Variants in NBAS observed in about 807,000 individuals in gnomAD.
NBAS encodes the protein NAG/BC035112 fusion.
NBAS carries 219 observed loss-of-function variants against 302.5 expected under a neutral mutation model. That is an observed-to-expected ratio of 0.72 (90% CI 0.65 to 0.81). The LOEUF is 0.81. Among genes scored for constraint, NBAS ranks in the 30% least tolerant of loss-of-function variants. The pLI is 0.00. For missense variants in NBAS, 2,932 were observed against 2,841.6 expected (o/e 1.03, Z -0.72); for synonymous variants, 1,118 against 1,021.6 (o/e 1.09, Z -1.80).
chr2:14,962,864 G>A, the NBAS span, among the ~76,000 whole-genome samples: 1 of 151,952 alleles, frequency 6.6e-6, no homozygotes, highest in Non-Finnish European at 1.5e-5. Context: ...GTTGCAAAAG[G>A]GGATTATTCC....
At chr2:15,483,930 A>G (rs893878891) in intron 12 of NBAS, among the ~76,000 whole-genome samples, 40 of 152,176 alleles carry the variant, frequency 2.6e-4, no homozygotes, top group African/African-American at 9.2e-4. Flanking sequence ...ATTTGAAACT[A>G]ATCGGTTTGT....
At chr2:14,930,440 C>A in the NBAS span, among the ~76,000 whole-genome samples, 306 of 152,306 alleles carry the variant, frequency 2.0e-3, 2 homozygotes, top group African/African-American at 7.0e-3. Flanking sequence ...CAAAATCATA[C>A]TGTGCGTGTA....
intron 40 of NBAS, among the ~76,000 whole-genome samples, chr2:15,295,897 T>C (rs746885347): frequency 2.0e-5 from 3 of 150,276 alleles, no homozygotes; most frequent in Non-Finnish European, 4.4e-5. Flanking sequence ...AGAATGTCAA[T>C]AGCACATCCT....
chr2:14,985,629 G>A, the NBAS span, among the ~76,000 whole-genome samples: 1 of 152,206 alleles, frequency 6.6e-6, no homozygotes, highest in Non-Finnish European at 1.5e-5. Context: ...GAAATCTATT[G>A]AGGACAGGGG....
chr2:15,142,573 G>C, the NBAS span, among the ~76,000 whole-genome samples: 2 of 152,224 alleles, frequency 1.3e-5, no homozygotes, highest in Non-Finnish European at 2.9e-5. Flanking sequence ...CCAGCTCCCT[G>C]ACTGGCACCT....
chr2:15,131,785 A>C, the NBAS span, among the ~76,000 whole-genome samples: 1 of 152,226 alleles, frequency 6.6e-6, no homozygotes, highest in Non-Finnish European at 1.5e-5. Flanking sequence ...TGGCCCTGAC[A>C]CATGCTCAGC....
At chr2:15,321,619 C>T (rs1236303051) in intron 38 of NBAS, among the ~76,000 whole-genome samples, 2 of 152,102 alleles carry the variant, frequency 1.3e-5, no homozygotes, top group African/African-American at 2.4e-5. Context: ...AACATCTATG[C>T]AGCCAACAGA....
chr2:15,166,058 G>C (rs557599824), downstream of NBAS, among the ~76,000 whole-genome samples: 1 of 152,122 alleles, frequency 6.6e-6, no homozygotes, highest in Non-Finnish European at 1.5e-5. Context: ...TGAGTCTCAG[G>C]GGGGGCGAAG....
At chr2:15,502,316 G>A (rs560385051) in intron 11 of NBAS, among the ~76,000 whole-genome samples, 7 of 152,326 alleles carry the variant, frequency 4.6e-5, no homozygotes, top group African/African-American at 1.7e-4. Context: ...TATTAGATAA[G>A]CCCTATGAGC....
At chr2:15,359,584 A>G (rs1205798218) in intron 32 of NBAS, among the ~76,000 whole-genome samples, 2 of 152,138 alleles carry the variant, frequency 1.3e-5, no homozygotes, top group Non-Finnish European at 2.9e-5. Flanking sequence ...TATTTTACAT[A>G]AAATATTTTA....
rs113478379 is a variant in NBAS at position 15,405,766 on chromosome 2, G to T, written c.2938-3465C>A. ...AGAATACAAAACTAACATATAAATA[G>T]CTTTTATATACACAAACATTAAATA... On this transcript the variant is annotated intron_variant, in intron 25 of 51. Coordinates refer to ENST00000281513, the MANE Select transcript of NBAS (RefSeq NM_015909.4). 5.4e-3 allele frequency among the ~76,000 whole-genome samples: 824 copies of T among 152,114 alleles called. 9 individuals carry two copies. Among genetic ancestry groups the T allele is most frequent in the African/African-American group, 0.019 (771 of 41,532 alleles).
At chr2:14,905,908 C>T in the NBAS span, among the ~76,000 whole-genome samples, 7 of 152,170 alleles carry the variant, frequency 4.6e-5, no homozygotes, top group Admixed American at 2.0e-4. Context: ...ACTCTCAGCG[C>T]ACTTTCTTTG....
chr2:15,238,976 AT>A (rs1053741173), intron 44 of NBAS, among the ~76,000 whole-genome samples: 1 of 152,184 alleles, frequency 6.6e-6, no homozygotes, highest in African/African-American at 2.4e-5. Flanking sequence ...ATGAGGAGTC[AT>A]TTCTACAGCC....
chr2:14,810,927 G>T, the NBAS span, among the ~76,000 whole-genome samples: 1 of 152,046 alleles, frequency 6.6e-6, no homozygotes, highest in Admixed American at 6.5e-5. Context: ...GTTCTCCTCT[G>T]CCCAGAGCAG....
intron 1 of NBAS, among the ~76,000 whole-genome samples, chr2:15,559,062 C>CAAAAAAA (rs70961421): frequency 0.33 from 16,617 of 50,378 alleles, 5,185 homozygotes; most frequent in Non-Finnish European, 0.45. Context: ...GACCCTGCCT[C>CAAAAAAA]AAAAAAAAAA....
At chr2:15,332,153 A>G (rs896462787) in intron 35 of NBAS, among the ~76,000 whole-genome samples, 7 of 152,202 alleles carry the variant, frequency 4.6e-5, no homozygotes, top group African/African-American at 1.7e-4. Flanking sequence ...TCAGTCCTAC[A>G]ATCATGAGGA....
In NBAS at chr2:15,226,149, C is replaced by T. The variant is rs559782521; in HGVS notation, c.6236+6273G>A. The stretch of plus-strand genomic sequence containing the variant: ...GTGATATGGTGAGAGAAATGCATAC[C>T]TCTCTGAGCTTCATTTCCTAATCTG... On this transcript the variant is annotated intron_variant, in intron 47 of 51. Coordinates refer to ENST00000281513, the MANE Select transcript of NBAS (RefSeq NM_015909.4). Among the ~76,000 whole-genome samples, 12 of 152,318 alleles carry T rather than the reference C, an allele frequency of 7.9e-5. No individual in the cohort carries two copies. The South Asian group carries it at 2.3e-3, about 29-fold the overall frequency.
At chr2:15,352,195 AATG>A in intron 34 of NBAS, 114 bp from the exon 35 acceptor site, 1 of 744,194 alleles carries the variant, frequency 1.3e-6, no homozygotes, top group South Asian at 1.6e-5. Flanking sequence ...ACCTTTTCAT[AATG>A]ATTAGTTTTG....
chr2:14,855,621 G>C, the NBAS span, among the ~76,000 whole-genome samples: 1 of 152,044 alleles, frequency 6.6e-6, no homozygotes, highest in Non-Finnish European at 1.5e-5. Flanking sequence ...GAATATTGGT[G>C]GTAGTCTAGC....
Sources: gnomAD v4.1 joint callset for allele counts (sites outside exome capture counted in the v4.1 genomes callset) on GRCh38, gnomAD v4.1.1 for gene constraint, MANE v1.5 for transcripts, NCBI Gene and HGNC (gene_info 2026-07-23, HGNC 2026-07-21) for gene names.